The following LYST variants were observed in gnomAD, a reference collection of about 807,000 sequenced individuals.
The protein encoded by LYST is lysosomal trafficking regulator.
Under a neutral mutation model 413.6 loss-of-function variants are expected in LYST, and 192 were observed. The observed-to-expected ratio is 0.46, with a 90% CI of 0.41 to 0.52. The LOEUF (loss-of-function observed/expected upper bound fraction) is 0.52. Ranked by LOEUF, LYST falls within the 20% of genes least tolerant of loss-of-function variation. LYST has a pLI of 0.00. For synonymous variants in LYST, 1,525 were observed against 1,567.3 expected (o/e 0.97, Z 0.64); for missense variants, 3,815 against 4,499.9 (o/e 0.85, Z 4.35).
chr1:235,804,417 G>A, intron 7 of LYST, 87 bp downstream of exon 7: 2 of 1,020,450 alleles, frequency 2.0e-6, no homozygotes, highest in Middle Eastern at 2.4e-4. Flanking sequence ...ATGCTCTAAT[G>A]ACATTCATCA....
intron 48 of LYST, among the ~76,000 whole-genome samples, chr1:235,681,458 G>A (rs1271412594): frequency 6.6e-6 from 1 of 152,090 alleles, no homozygotes; most frequent in Non-Finnish European, 1.5e-5. Flanking sequence ...AGTGTCTGGG[G>A]CAGGACTAAT....
chr1:235,714,406 C>T (rs1662663036), intron 42 of LYST, among the ~76,000 whole-genome samples: 1 of 152,136 alleles, frequency 6.6e-6, no homozygotes. Flanking sequence ...AACATTTGTT[C>T]TGTTTACTTA....
rs1462339547 is a variant in LYST, at chr1:235,662,370, T to C, written c.*570A>G. 2.0e-5 allele frequency: 3 copies of C among 153,392 alleles called. No individual in the cohort carries two copies. The highest frequency in any genetic ancestry group is 1.9e-4 in the Admixed American group (3 of 15,462). 9.5% of individuals were successfully genotyped at this position (153,392 alleles called of 1,614,324 possible). On this transcript the variant is annotated 3_prime_UTR_variant, in exon 53 of 53. Transcript: ENST00000389793. ...CTAATTTTGAGATTCATTCATAGTT[T>C]ATTTTAGTATTTAGATATTCCATAA... is the stretch of plus-strand genomic sequence containing the variant.
chr1:235,687,909 G>A (rs1660342450), intron 47 of LYST, among the ~76,000 whole-genome samples: 1 of 152,198 alleles, frequency 6.6e-6, no homozygotes, highest in Admixed American at 6.5e-5. Flanking sequence ...GTTTCAAGCT[G>A]TCTCTTGCTG....
At chr1:235,741,939 G>A (rs1487774357) in intron 30 of LYST, among the ~76,000 whole-genome samples, 1 of 152,158 alleles carries the variant, frequency 6.6e-6, no homozygotes, top group African/African-American at 2.4e-5. Context: ...TAAAGAGGAA[G>A]GAAATTCTGA....
rs757208948 is a variant in LYST, at chr1:235,741,568, C to T, written c.8212G>A (p.Glu2738Lys). ...QWTKILWSCK[E>K]TFRMQLGRLL... is the part of the protein sequence containing the mutation. ...CTCCCAAGCTGCATTCGGAAGGTCT[C>T]CTTACAAGACCACAGAATTTTAGTC... is the stretch of plus-strand genomic sequence containing the variant. The change falls in exon 31 of 53, where the codon GAG (glutamate) becomes AAG (lysine). Residue 2738 changes from glutamate to lysine, a missense_variant. By Grantham distance (56) the Glu-to-Lys change is moderately conservative. Around this residue, in one of 4 missense-constraint regions of LYST, gnomAD observed 771 missense variants for 837.1 expected, o/e 0.92. Transcript: ENST00000389793. 5.0e-6 allele frequency: 8 copies of T among 1,614,090 alleles called. No homozygotes were observed. In the South Asian group the frequency reaches 8.8e-5, roughly 18 times the overall value.
intron 37 of LYST, among the ~76,000 whole-genome samples, 185 bp from the exon 38 acceptor site, chr1:235,728,316 T>C (rs1664074645): frequency 6.6e-6 from 1 of 152,144 alleles, no homozygotes; most frequent in African/African-American, 2.4e-5. Context: ...GCTTTACCTC[T>C]TTGTGTCTTA....
chr1:235,667,553 T>C (rs1382834768), intron 50 of LYST, among the ~76,000 whole-genome samples: 1 of 152,232 alleles, frequency 6.6e-6, no homozygotes, highest in Non-Finnish European at 1.5e-5. Context: ...TCCCTAGGTA[T>C]CTGAGAGGGA....
intron 17 of LYST, among the ~76,000 whole-genome samples, chr1:235,776,827 AT>A (rs1669300045): frequency 6.6e-6 from 1 of 152,096 alleles, no homozygotes. Context: ...TTAACATTTA[AT>A]TGTACTAATT....
chr1:235,730,567 ATGTGTGTGTGTGTGTG>A lies in LYST; in HGVS notation c.9044+264_9044+279del, dbSNP rs4006790. Among the ~76,000 whole-genome samples the A allele has an allele frequency of 0.027, 3,658 of 137,584 alleles. 162 individuals are homozygous for A. Among genetic ancestry groups the A allele is most frequent in the African/African-American group, 0.087 (3,213 of 36,766 alleles). The allele number at this position is 137,584 out of a possible 152,430, so 90.3% of individuals were successfully genotyped here. On this transcript the variant is annotated intron_variant, in intron 36 of 52. Coordinates refer to ENST00000389793, the MANE Select transcript of LYST (RefSeq NM_000081.4). ...TATGTGTATATATATACATATTTAT[ATGTGTGTGTGTGTGTG>A]TGTGTGTGTGTGTGTGTGTGTGTGT...
intron 1 of LYST, among the ~76,000 whole-genome samples, chr1:235,851,646 T>C (rs963074142): frequency 1.3e-5 from 2 of 151,970 alleles, no homozygotes; most frequent in African/African-American, 4.8e-5. Flanking sequence ...AATATTATTT[T>C]TATATATTTA....
intron 1 of LYST, among the ~76,000 whole-genome samples, chr1:235,865,889 T>G (rs1403643876): frequency 6.6e-6 from 1 of 152,186 alleles, no homozygotes; most frequent in Non-Finnish European, 1.5e-5. Context: ...AAGGAAACAC[T>G]GGCCCAAATT....
chr1:235,867,055 C>T (rs1165880538), upstream of LYST: 2 of 152,372 alleles, frequency 1.3e-5, no homozygotes, highest in African/African-American at 4.8e-5. Flanking sequence ...GTAAGCCCCG[C>T]CTCCTCTGGG....
At position 235,806,353 on chromosome 1, in the gene LYST, C is replaced by T. The variant is rs774002145; in HGVS notation, c.2783G>A (p.Gly928Asp). The T allele has an allele frequency of 9.3e-6, 15 of 1,613,854 alleles. No homozygotes were observed. In the African/African-American group the frequency reaches 1.6e-4, roughly 17 times the overall value. Residue 928 changes from glycine (G) to aspartate (D), a missense_variant, in exon 6 of 53, where the codon GGC (glycine) becomes GAC (aspartate). Transcript: ENST00000389793. ...AGGCTCGCTGGCTGTGCTGTCATAG[C>T]CAGAAGTATCTTCTGAGTCATTGGC... ...ESANDSEDTS[G>D]YDSTASEPLS...
chr1:235,720,573 G>A (rs975822084), intron 40 of LYST, 88 bp downstream of exon 40: 20 of 1,313,830 alleles, frequency 1.5e-5, no homozygotes, highest in Non-Finnish European at 2.2e-5. Context: ...TTTTGTGCAT[G>A]TTTGAAATTT....
chr1:235,804,903 A>G (rs1299383199), intron 6 of LYST, among the ~76,000 whole-genome samples: 2 of 152,194 alleles, frequency 1.3e-5, no homozygotes, highest in African/African-American at 4.8e-5. Flanking sequence ...GCAGCATGGT[A>G]AAGAATGGCA....
chr1:235,709,532 A>G (rs140553419), intron 43 of LYST, among the ~76,000 whole-genome samples: 1 of 144,918 alleles, frequency 6.9e-6, no homozygotes, highest in African/African-American at 2.9e-5. Context: ...TAAATTTGAG[A>G]TCTTTCAACT....
intron 4 of LYST, among the ~76,000 whole-genome samples, chr1:235,812,632 T>G (rs1673581363): frequency 6.6e-6 from 1 of 152,166 alleles, no homozygotes; most frequent in African/African-American, 2.4e-5. Flanking sequence ...CAAAGAAACT[T>G]TAATTTCTTT....
intron 31 of LYST, chr1:235,738,007 C>T (rs191546197): frequency 5.2e-5 from 78 of 1,494,780 alleles, no homozygotes; most frequent in Middle Eastern, 5.1e-4. Context: ...CTCAAGTATA[C>T]GCTCAAGGAT....
Sources: gnomAD v4.1 joint callset for allele counts (sites outside exome capture counted in the v4.1 genomes callset) on GRCh38, gnomAD v4.1.1 for gene constraint, gnomAD v4.1.1 regional missense constraint, MANE v1.5 for transcripts, NCBI Gene and HGNC (gene_info 2026-07-23, HGNC 2026-07-21) for gene names.